Variants in SFPQ observed in about 807,000 individuals in gnomAD.
The protein encoded by SFPQ is splicing factor proline and glutamine rich.
SFPQ carries 11 observed loss-of-function variants against 72.9 expected under a neutral mutation model. The ratio of observed to expected loss-of-function variants is 0.15; its 90% CI spans 0.09 to 0.25. SFPQ has a LOEUF of 0.25. Ranked by LOEUF, SFPQ falls within the 10% of genes least tolerant of loss-of-function variation. SFPQ has a pLI of 1.00. For missense variants in SFPQ, 847 were observed against 993.3 expected, an observed-to-expected ratio of 0.85 and a Z score of 1.98; for synonymous variants, 506 against 367.3, an observed-to-expected ratio of 1.38 and a Z score of -4.32.
downstream of SFPQ, chr1:35,178,540 T>C (rs185988182): frequency 3.0e-5 from 32 of 1,061,144 alleles, no homozygotes; most frequent in African/African-American, 4.6e-4. Context: ...TGTCCTGCAA[T>C]CCTTTGTATT....
intron 6 of SFPQ, 143 bp from the exon 7 acceptor site, chr1:35,188,233 A>G: frequency 1.5e-6 from 1 of 663,758 alleles, no homozygotes; most frequent in East Asian, 2.5e-5. Context: ...GCATAGTACT[A>G]AAGACATTCT....
At chr1:35,182,211 TG>T, downstream of SFPQ, 19 of 985,412 alleles carry the variant, frequency 1.9e-5, no homozygotes, top group Non-Finnish European at 2.2e-5. Flanking sequence ...GGGTGTCCCA[TG>T]GAACACCCCT....
At position 35,184,445 on chromosome 1, in the gene SFPQ, A is replaced by T; in HGVS notation, c.*11T>A. ...ACAAAACAAACTGGAATGAAAGCCT[A>T]AATATCACATCTAAAATCGGGGTTT... On this transcript the variant is annotated 3_prime_UTR_variant, in exon 10 of 10. Transcript: ENST00000357214. 1 of 1,604,104 alleles carries T rather than the reference A, an allele frequency of 6.2e-7. No individual in the cohort carries two copies. The highest frequency in any genetic ancestry group is 8.5e-7 in the Non-Finnish European group (1 of 1,176,940).
At chr1:35,182,147 T>A (rs1639493451), downstream of SFPQ, 1 of 985,252 alleles carries the variant, frequency 1.0e-6, no homozygotes, top group African/African-American at 1.7e-5. Context: ...ATAGGCAGAT[T>A]TTCCCATTTC....
chr1:35,192,825 C>A lies in SFPQ; in HGVS notation c.225G>T (p.Gln75His). The change falls in exon 1 of 10, where the codon CAG (glutamine) becomes CAT (histidine). Residue 75 changes from glutamine (Q) to histidine (H), a missense_variant. By Grantham distance (24) the Gln-to-His change is conservative (BLOSUM62 0). This residue lies in a region of SFPQ where 498 missense variants were observed against 405.1 expected (regional missense o/e 1.23). Transcript: ENST00000357214. ...GTGGCGGCTGCTGCGGCGGTGGCTG[C>A]TGCGGTGGTGGCTGTTGCTGCTGTT... is the stretch of plus-strand genomic sequence containing the variant. ...PHQQQQQPPP[Q>H]QPPPQQPPPH... The A allele has an allele frequency of 6.6e-7, 1 of 1,513,082 alleles. No individual in the cohort carries two copies. Among genetic ancestry groups the A allele is most frequent in the Non-Finnish European group, 8.8e-7 (1 of 1,137,570 alleles). 93.7% of individuals were successfully genotyped at this position (1,513,082 alleles called of 1,614,324 possible). A position where few individuals can be genotyped will look rare whatever the true frequency, so the allele number is the denominator to read the frequency against.
rs755926754 is a variant in SFPQ, at chr1:35,192,766, T to G, written c.284A>C (p.Gln95Pro). Residue 95 changes from glutamine to proline, a missense_variant, in exon 1 of 10, where the codon CAG (glutamine) becomes CCG (proline). Transcript: ENST00000357214. ...HQPPPHPQPH[Q>P]QQQPPPPPQD... is the part of the protein sequence containing the mutation. ...CGGCGGTGGCGGCGGCTGCTGCTGC[T>G]GATGCGGCTGTGGATGCGGCGGCGG... The G allele has an allele frequency of 6.7e-7, 1 of 1,499,920 alleles. No homozygotes were observed. The highest frequency in any genetic ancestry group is 1.4e-5 in the African/African-American group (1 of 69,232). The allele number at this position is 1,499,920 out of a possible 1,614,324, so 92.9% of individuals were successfully genotyped here.
At chr1:35,181,435 T>C, downstream of SFPQ, 1 of 1,063,862 alleles carries the variant, frequency 9.4e-7, no homozygotes, top group Non-Finnish European at 1.1e-6. Context: ...TCCCCATTTT[T>C]TAGCTGTTTA....
downstream of SFPQ, chr1:35,181,310 A>C (rs1480842184): frequency 9.4e-6 from 10 of 1,065,542 alleles, no homozygotes; most frequent in South Asian, 3.2e-4. Context: ...CAGTCCAAGA[A>C]CACCAGAAAA....
chr1:35,178,282 C>G, downstream of SFPQ: 1 of 1,099,190 alleles, frequency 9.1e-7, no homozygotes, highest in Non-Finnish European at 1.1e-6. Context: ...AAAAGCCTGA[C>G]TCTCAGTTTC....
At chr1:35,178,566 C>T (rs1639340596), downstream of SFPQ, 2 of 1,059,164 alleles carry the variant, frequency 1.9e-6, no homozygotes, top group South Asian at 4.6e-5. Flanking sequence ...CATTCTTTCC[C>T]ATCTAAGTCC....
downstream of SFPQ, chr1:35,179,336 T>C: frequency 9.4e-7 from 1 of 1,058,498 alleles, no homozygotes; most frequent in Non-Finnish European, 1.1e-6. Flanking sequence ...GCATTCTTGG[T>C]AGGTTTGCAA....
Position 35,188,039 on chromosome 1 carries a change from A to C in SFPQ, c.1749T>G (p.Arg583=). ...GGCGCCTCATTTGTTCTTCCATCTC[A>C]CGTTGACGAATCATCATCTCTTCCT... ...RREEEMMIRQ[R]EMEEQMRRQR... The change falls in exon 7 of 10, where the codon CGT becomes CGG. Residue 583 remains arginine (R), a synonymous_variant. Transcript: ENST00000357214. 1.2e-6 allele frequency: 2 copies of C among 1,613,928 alleles called. No homozygotes were observed. The highest frequency in any genetic ancestry group is 1.1e-5 in the South Asian group (1 of 91,072).
intron 9 of SFPQ, among the ~76,000 whole-genome samples, chr1:35,186,486 C>T (rs1639720324): frequency 6.6e-6 from 1 of 152,114 alleles, no homozygotes; most frequent in African/African-American, 2.4e-5. Context: ...AGGTGGGAAA[C>T]GACGAGTCAA....
chr1:35,183,950 C>CT lies in SFPQ; in HGVS notation c.*505dup, dbSNP rs1190538377. On this transcript the variant is annotated 3_prime_UTR_variant, in exon 10 of 10. Transcript: ENST00000357214. ...CAAACTACTTCAATATGCATTTCTT[C>CT]TTTTTAAAACAAAGGGGGCAATTAT... is the stretch of plus-strand genomic sequence containing the variant. The CT allele has an allele frequency of 3.8e-6, 4 of 1,050,954 alleles. No homozygotes were observed. The East Asian group carries it at 2.2e-4, about 58-fold the overall frequency. 65.1% of individuals were successfully genotyped at this position (1,050,954 alleles called of 1,614,324 possible).
intron 6 of SFPQ, among the ~76,000 whole-genome samples, chr1:35,188,455 T>A (rs1368437805): frequency 6.6e-6 from 1 of 152,170 alleles, no homozygotes; most frequent in Non-Finnish European, 1.5e-5. Flanking sequence ...CTCAGTACTT[T>A]AGGAGGCCAG....
downstream of SFPQ, chr1:35,179,695 G>GAAC: frequency 9.5e-7 from 1 of 1,057,170 alleles, no homozygotes; most frequent in Non-Finnish European, 1.1e-6. Flanking sequence ...ATCTGAAAGT[G>GAAC]AACAGGGTAA....
intron 9 of SFPQ, 48 bp downstream of exon 9, chr1:35,186,953 T>C (rs1468841113): frequency 6.4e-7 from 1 of 1,567,080 alleles, no homozygotes; most frequent in East Asian, 2.3e-5. Context: ...ACACCTAAGT[T>C]GTGAAAATGA....
intron 7 of SFPQ, among the ~76,000 whole-genome samples, chr1:35,187,556 C>T (rs908524443): frequency 6.6e-6 from 1 of 152,116 alleles, no homozygotes; most frequent in Non-Finnish European, 1.5e-5. Flanking sequence ...CAAGGCGAAA[C>T]GCCATTTCTA....
chr1:35,176,637 A>C (rs1639248731), intron 5 of SFPQ, among the ~76,000 whole-genome samples: 1 of 152,088 alleles, frequency 6.6e-6, no homozygotes, highest in Non-Finnish European at 1.5e-5. Flanking sequence ...TGGGAGGCCA[A>C]GGAGGGCGGA....
Sources: allele counts gnomAD v4.1 joint callset (sites outside exome capture counted in the v4.1 genomes callset), GRCh38; gene constraint gnomAD v4.1.1; regional missense constraint gnomAD v4.1.1; transcripts MANE v1.5; gene names NCBI Gene and HGNC (gene_info 2026-07-23, HGNC 2026-07-21).